The following PLCB4 variants were observed in gnomAD, a reference collection of about 807,000 sequenced individuals.
PLCB4 encodes the protein 1-phosphatidylinositol 4,5-bisphosphate phosphodiesterase beta-4.
PLCB4 carries 77 observed loss-of-function variants against 178.8 expected under a neutral mutation model. The observed-to-expected ratio is 0.43, with a 90% CI of 0.36 to 0.52. The LOEUF (loss-of-function observed/expected upper bound fraction) is 0.52. Among genes scored for constraint, PLCB4 ranks in the 20% least tolerant of loss-of-function variants. The probability of loss-of-function intolerance (pLI) is 0.00; values close to 1 mark genes in which losing one functional copy is unlikely to be tolerated. For missense variants in PLCB4, 1,024 were observed against 1,453.4 expected (o/e 0.70, Z 4.80); for synonymous variants, 496 against 490.8 (o/e 1.01, Z -0.14).
chr20:9,186,121 A>G (rs1298690830), intron 2 of PLCB4, among the ~76,000 whole-genome samples: 4 of 152,160 alleles, frequency 2.6e-5, no homozygotes, highest in Non-Finnish European at 5.9e-5. Context: ...TTGCTGAATA[A>G]ATGAACGCCC....
At chr20:9,148,449 A>G (rs1205845362) in intron 2 of PLCB4, among the ~76,000 whole-genome samples, 1 of 152,172 alleles carries the variant, frequency 6.6e-6, no homozygotes, top group Non-Finnish European at 1.5e-5. Context: ...ATAGTTAAGC[A>G]TTGAGTGATT....
chr20:9,243,738 A>G (rs1474122023), intron 3 of PLCB4, among the ~76,000 whole-genome samples: 1 of 152,230 alleles, frequency 6.6e-6, no homozygotes, highest in African/African-American at 2.4e-5. Flanking sequence ...CTTTAAAACC[A>G]GACCGCATGG....
chr20:9,263,393 C>T (rs558764117), intron 3 of PLCB4, among the ~76,000 whole-genome samples: 2 of 152,256 alleles, frequency 1.3e-5, no homozygotes, highest in African/African-American at 4.8e-5. Context: ...TTCTTTTCTA[C>T]CAACAAGAAT....
intron 2 of PLCB4, among the ~76,000 whole-genome samples, chr20:9,118,102 G>T (rs1306530107): frequency 6.6e-6 from 1 of 151,754 alleles, no homozygotes; most frequent in Non-Finnish European, 1.5e-5. Flanking sequence ...AAAAGAAAAA[G>T]GTTACATGTG....
At position 9,421,439 on chromosome 20, in the gene PLCB4, A is replaced by C; in HGVS notation, c.2297A>C (p.Glu766Ala). The C allele has an allele frequency of 6.2e-7, 1 of 1,613,600 alleles. No individual in the cohort carries two copies. The highest frequency in any genetic ancestry group is 8.5e-7 in the Non-Finnish European group (1 of 1,179,708). Residue 766 changes from glutamate (E) to alanine (A), a missense_variant, in exon 27 of 40, where the codon GAA becomes GCA. Around this residue, in one of 7 missense-constraint regions of PLCB4, gnomAD observed 227 missense variants for 374.3 expected, o/e 0.61. Transcript: ENST00000378473. ...MNNGLNPVYN[E>A]ESFVFRKVIL... ...AATGGACTCAATCCAGTTTACAATG[A>C]AGAGTCATTTGTATTTCGGAAGGTA...
At chr20:9,094,162 A>C (rs968226368) in intron 1 of PLCB4, among the ~76,000 whole-genome samples, 16 of 152,318 alleles carry the variant, frequency 1.1e-4, no homozygotes, top group Middle Eastern at 3.4e-3. Flanking sequence ...AGGTGTATTT[A>C]ACTACCTACA....
chr20:9,440,946 G>C (rs1412105114), intron 30 of PLCB4, among the ~76,000 whole-genome samples: 1 of 152,190 alleles, frequency 6.6e-6, no homozygotes, highest in Non-Finnish European at 1.5e-5. Context: ...TAAGCTACTT[G>C]TCTTGGAGGA....
intron 3 of PLCB4, among the ~76,000 whole-genome samples, chr20:9,258,076 C>T (rs2094255476): frequency 6.6e-6 from 1 of 152,072 alleles, no homozygotes; most frequent in Non-Finnish European, 1.5e-5. Context: ...CGTGGTCCTA[C>T]ATCTTCTAAT....
At position 9,478,903 on chromosome 20, in the gene PLCB4, A is replaced by G; in HGVS notation, c.3533-18A>G. ...TAAGGATTTCAACACACGTAAGGCC[A>G]TGTTTCTGATGTTATAGGCGAAGGA... is the stretch of plus-strand genomic sequence containing the variant. On this transcript the variant is annotated intron_variant, in intron 39 of 39. Coordinates refer to ENST00000378473, the MANE Select transcript of PLCB4 (RefSeq NM_001377142.1). The G allele has an allele frequency of 1.9e-6, 3 of 1,600,544 alleles. No individual in the cohort carries two copies. The highest frequency in any genetic ancestry group is 1.7e-4 in the Middle Eastern group (1 of 6,038).
At chr20:9,288,360 A>T (rs893141722) in intron 3 of PLCB4, among the ~76,000 whole-genome samples, 9 of 150,622 alleles carry the variant, frequency 6.0e-5, no homozygotes. Flanking sequence ...CCAAAAGTTC[A>T]GATGTTTTTC....
chr20:9,315,455 T>C (rs2094888585), intron 4 of PLCB4, among the ~76,000 whole-genome samples: 1 of 152,052 alleles, frequency 6.6e-6, no homozygotes, highest in South Asian at 2.1e-4. Context: ...AATAAACCAA[T>C]AAGCATAGAA....
At chr20:9,114,004 A>G (rs559815827) in intron 2 of PLCB4, among the ~76,000 whole-genome samples, 4 of 152,096 alleles carry the variant, frequency 2.6e-5, no homozygotes, top group Admixed American at 2.6e-4. Context: ...ACTTGAGATC[A>G]GAAGTTTGAG....
At chr20:9,275,112 A>G (rs549939308) in intron 3 of PLCB4, among the ~76,000 whole-genome samples, 2 of 152,206 alleles carry the variant, frequency 1.3e-5, no homozygotes, top group East Asian at 3.9e-4. Context: ...TGATAAAAAC[A>G]TACCCGAGTC....
chr20:9,184,344 A>G (rs1185294144), intron 2 of PLCB4, among the ~76,000 whole-genome samples: 2 of 152,102 alleles, frequency 1.3e-5, no homozygotes, highest in Non-Finnish European at 2.9e-5. Flanking sequence ...GAATGAGTCA[A>G]AGTGGTTTTT....
intron 28 of PLCB4, among the ~76,000 whole-genome samples, chr20:9,434,438 C>T (rs148480454): frequency 0.012 from 1,788 of 152,196 alleles, 28 homozygotes; most frequent in African/African-American, 0.041. Flanking sequence ...TACATTGGCA[C>T]GATCTCTGCT....
intron 3 of PLCB4, among the ~76,000 whole-genome samples, chr20:9,264,547 G>A (rs1393669346): frequency 9.2e-5 from 14 of 152,180 alleles, no homozygotes; most frequent in Non-Finnish European, 1.5e-4. Flanking sequence ...GAGTAGAAAT[G>A]TATAGTTTCA....
intron 25 of PLCB4, 54 bp downstream of exon 25, chr20:9,411,142 G>A (rs1370051146): frequency 2.5e-6 from 3 of 1,180,554 alleles, no homozygotes; most frequent in Non-Finnish European, 3.8e-6. Context: ...CCATACTACA[G>A]CTCTAATGAA....
intron 2 of PLCB4, among the ~76,000 whole-genome samples, chr20:9,139,239 C>A (rs192222348): frequency 2.6e-5 from 4 of 152,190 alleles, no homozygotes; most frequent in Admixed American, 2.0e-4. Flanking sequence ...ACAAACCACT[C>A]CAAAACTTAC....
intron 15 of PLCB4, among the ~76,000 whole-genome samples, chr20:9,389,091 A>C (rs58698484): frequency 0.013 from 2,038 of 152,308 alleles, 60 homozygotes; most frequent in African/African-American, 0.046. Context: ...CTCCGGTTGT[A>C]GAAGTGCTGG....
Sources: allele counts gnomAD v4.1 joint callset (sites outside exome capture counted in the v4.1 genomes callset), GRCh38; gene constraint gnomAD v4.1.1; regional missense constraint gnomAD v4.1.1; transcripts MANE v1.5; gene names NCBI Gene and HGNC (gene_info 2026-07-23, HGNC 2026-07-21).